SEMA5B: variants seen among roughly 807,000 people sequenced by gnomAD.
The protein encoded by SEMA5B is semaphorin-5B.
A neutral mutation model predicts 135.0 loss-of-function variants in SEMA5B; 66 were observed. That is an observed-to-expected ratio of 0.49 (90% CI 0.40 to 0.60). The LOEUF is 0.60. SEMA5B is among the 20% of genes least tolerant of loss of function. The pLI is 0.00. For missense variants in SEMA5B, 1,501 were observed against 1,566.3 expected (o/e 0.96, Z 0.70); for synonymous variants, 690 against 639.5 (o/e 1.08, Z -1.19).
chr3:122,932,322 T>C (rs987143420), intron 5 of SEMA5B, among the ~76,000 whole-genome samples: 17 of 135,974 alleles, frequency 1.3e-4, no homozygotes, highest in Non-Finnish European at 2.2e-4. Flanking sequence ...GACACAATCA[T>C]GGCTCACTGC....
Position 122,913,392 on chromosome 3 carries a change from G to C in SEMA5B, c.2313C>G (p.Pro771=), listed in dbSNP as rs1366394987. ...EFKTCNPEGC[P]EVRRNTPWTP... ...TCCAGGGGGTGTTGCGCCGCACTTC[G>C]GGGCAGCCCTCGGGGTTGCACGTCT... The change falls in exon 17 of 23, where the codon CCC becomes CCG. Residue 771 remains proline (P), a synonymous_variant. Transcript: ENST00000357599. 6.3e-7 allele frequency: 1 copy of C among 1,577,694 alleles called. No homozygotes were observed. Among genetic ancestry groups the C allele is most frequent in the Non-Finnish European group, 8.6e-7 (1 of 1,166,478 alleles).
chr3:122,996,811 G>A (rs1055015310), intron 1 of SEMA5B, among the ~76,000 whole-genome samples: 9 of 152,106 alleles, frequency 5.9e-5, no homozygotes, highest in African/African-American at 2.2e-4. Context: ...CCCGAGTAGC[G>A]TTCGACCTGC....
At chr3:123,013,790 C>A (rs541946636) in intron 1 of SEMA5B, among the ~76,000 whole-genome samples, 31 of 152,274 alleles carry the variant, frequency 2.0e-4, no homozygotes, top group African/African-American at 6.7e-4. Context: ...AGTCAAAGAG[C>A]CAGAATAGAA....
At position 122,915,832 on chromosome 3, in the gene SEMA5B, T is replaced by A; in HGVS notation, c.1747A>T (p.Ser583Cys). 1 of 1,614,056 alleles carries A rather than the reference T, an allele frequency of 6.2e-7. No individual in the cohort carries two copies. Among genetic ancestry groups the A allele is most frequent in the Non-Finnish European group, 8.5e-7 (1 of 1,179,990 alleles). ...ATGTTGGAGCTGTCCTCGAGTGTGC[T>A]GCAACGTTGCTGCTTCCCGTCCCAG... ...CGWDGKQQRC[S>C]TLEDSSNMSL... Residue 583 changes from serine (S) to cysteine (C), a missense_variant, in exon 13 of 23, where the codon AGC (serine) becomes TGC (cysteine). Ser to Cys is a moderately radical substitution (Grantham distance 112). Transcript: ENST00000357599.
chr3:123,003,195 T>C lies in SEMA5B; in HGVS notation c.-39+24269A>G, dbSNP rs1263035489. 3.3e-5 allele frequency among the ~76,000 whole-genome samples: 5 copies of C among 152,246 alleles called. No homozygotes were observed. The East Asian group carries it at 7.7e-4, about 24-fold the overall frequency. On this transcript the variant is annotated intron_variant, in intron 1 of 22. Coordinates refer to ENST00000357599, the MANE Select transcript of SEMA5B (RefSeq NM_001031702.4). ...AGCAGTCACTACCCACCTGGAAATC[T>C]CATAAAGAAATAAGCCTACTTCCAA...
upstream of SEMA5B, among the ~76,000 whole-genome samples, chr3:123,028,037 C>T (rs1259282524): frequency 6.6e-6 from 1 of 152,174 alleles, no homozygotes; most frequent in African/African-American, 2.4e-5. Flanking sequence ...ATTCCGGCGG[C>T]AAGACCTAGG....
intron 1 of SEMA5B, among the ~76,000 whole-genome samples, chr3:123,025,535 G>A (rs764989573): frequency 6.6e-6 from 1 of 152,200 alleles, no homozygotes; most frequent in African/African-American, 2.4e-5. Context: ...GATTATGGTC[G>A]CTACTGTTGG....
intron 1 of SEMA5B, among the ~76,000 whole-genome samples, chr3:122,972,803 T>C (rs922134704): frequency 6.6e-6 from 1 of 152,220 alleles, no homozygotes; most frequent in Admixed American, 6.5e-5. Flanking sequence ...AGGCTTGTCA[T>C]GGCTCCCATT....
At chr3:122,917,983 C>A (rs1270292785) in intron 12 of SEMA5B, among the ~76,000 whole-genome samples, 1 of 152,106 alleles carries the variant, frequency 6.6e-6, no homozygotes, top group Admixed American at 6.5e-5. Flanking sequence ...GGACTGCTAG[C>A]AAATTCAACC....
chr3:122,928,672 T>G (rs1432606887), intron 6 of SEMA5B, 57 bp from the exon 7 acceptor site: 4 of 1,261,228 alleles, frequency 3.2e-6, no homozygotes, highest in Non-Finnish European at 4.5e-6. Context: ...ATGCTGGATA[T>G]CTCACGCTCA....
intron 3 of SEMA5B, among the ~76,000 whole-genome samples, chr3:122,947,866 T>A (rs1019303263): frequency 2.6e-5 from 4 of 152,078 alleles, no homozygotes; most frequent in Non-Finnish European, 5.9e-5. Flanking sequence ...GTGTAACAGA[T>A]CGTGAGAGAA....
chr3:122,920,445 TA>T (rs1254463617), intron 12 of SEMA5B, among the ~76,000 whole-genome samples: 1 of 152,178 alleles, frequency 6.6e-6, no homozygotes, highest in Non-Finnish European at 1.5e-5. Flanking sequence ...TGCCAAGCTG[TA>T]CTGACTATAT....
intron 1 of SEMA5B, among the ~76,000 whole-genome samples, chr3:122,966,858 T>G (rs1297929102): frequency 1.2e-5 from 1 of 83,488 alleles, no homozygotes; most frequent in African/African-American, 8.4e-5. Context: ...ACACCCGGCC[T>G]ATTACTATTA....
intron 14 of SEMA5B, 112 bp downstream of exon 14, chr3:122,915,328 C>A: frequency 9.6e-7 from 1 of 1,047,010 alleles, no homozygotes; most frequent in Non-Finnish European, 1.4e-6. Context: ...TAGCACAGCC[C>A]TGAAGTGGTT....
chr3:122,985,610 AG>A (rs943432654), intron 1 of SEMA5B, among the ~76,000 whole-genome samples: 3 of 152,168 alleles, frequency 2.0e-5, no homozygotes, highest in African/African-American at 7.2e-5. Flanking sequence ...AAGAGGTAAA[AG>A]GGGAATGGCC....
At chr3:122,988,880 C>T (rs981270909) in intron 1 of SEMA5B, among the ~76,000 whole-genome samples, 6 of 152,232 alleles carry the variant, frequency 3.9e-5, no homozygotes, top group African/African-American at 1.2e-4. Context: ...GGTAAGCATT[C>T]GGTAAAAGTT....
At chr3:122,927,732 T>G (rs1576340881) in intron 8 of SEMA5B, 58 bp downstream of exon 8, 1 of 1,246,948 alleles carries the variant, frequency 8.0e-7, no homozygotes, top group Non-Finnish European at 1.1e-6. Flanking sequence ...GGGCTCAGGG[T>G]GGGCTGGTGG....
chr3:122,928,930 C>T (rs778657949), intron 6 of SEMA5B, 66 bp downstream of exon 6: 12 of 1,501,834 alleles, frequency 8.0e-6, no homozygotes, highest in Non-Finnish European at 1.1e-5. Context: ...AGTGCTGCTC[C>T]ATCCCCACAA....
intron 5 of SEMA5B, among the ~76,000 whole-genome samples, chr3:122,937,680 C>A (rs1290726706): frequency 6.6e-6 from 1 of 152,102 alleles, no homozygotes; most frequent in African/African-American, 2.4e-5. Flanking sequence ...CATAAGCTAC[C>A]TGCCCCAGGC....
Sources: gnomAD v4.1 joint callset for allele counts (sites outside exome capture counted in the v4.1 genomes callset) on GRCh38, gnomAD v4.1.1 for gene constraint, MANE v1.5 for transcripts, NCBI Gene and HGNC (gene_info 2026-07-23, HGNC 2026-07-21) for gene names.